KIF6: variants seen among roughly 807,000 people sequenced by gnomAD.
KIF6 encodes the protein kinesin-like protein KIF6.
A neutral mutation model predicts 112.7 loss-of-function variants in KIF6; 106 were observed. The ratio of observed to expected loss-of-function variants is 0.94; its 90% CI spans 0.80 to 1.11. The LOEUF is 1.11. KIF6 is among the 50% of genes least tolerant of loss of function. The pLI is 0.00. For missense variants in KIF6, 929 were observed against 964.0 expected (o/e 0.96, Z 0.48); for synonymous variants, 339 against 339.9 (o/e 1.00, Z 0.03).
intron 13 of KIF6, among the ~76,000 whole-genome samples, chr6:39,432,997 G>A (rs1771269926): frequency 6.6e-6 from 1 of 152,032 alleles, no homozygotes; most frequent in East Asian, 1.9e-4. Flanking sequence ...GGGGTGTGGG[G>A]TGGGAGTGAA....
rs761722059 is a variant in KIF6 at position 39,584,945 on chromosome 6, G to A, written c.1030C>T (p.Leu344Phe). 4 of 1,612,404 alleles carry A rather than the reference G, an allele frequency of 2.5e-6. No homozygotes were observed. The Admixed American group carries it at 5.0e-5, about 20-fold the overall frequency. ...TTAAGAACAGCTTCATTCTTTATGA[G>A]TGCCACTCGCTGTGCAAATCTGCAG... ...STCRFAQRVA[L>F]IKNEAVLNEE... Residue 344 changes from leucine to phenylalanine, a missense_variant, in exon 9 of 23, where the codon CTC (leucine) becomes TTC (phenylalanine). Around this residue, in one of 2 missense-constraint regions of KIF6, gnomAD observed 688 missense variants for 662.7 expected, o/e 1.04. Transcript: ENST00000287152.
At chr6:39,344,257 C>T (rs535063384) in intron 21 of KIF6, among the ~76,000 whole-genome samples, 4 of 152,300 alleles carry the variant, frequency 2.6e-5, no homozygotes, top group East Asian at 1.9e-4. Context: ...CCATGTAAGA[C>T]GTGCCTTTCA....
At chr6:39,542,747 C>T (rs1004183540) in intron 12 of KIF6, among the ~76,000 whole-genome samples, 5 of 152,200 alleles carry the variant, frequency 3.3e-5, no homozygotes, top group African/African-American at 7.2e-5. Context: ...CATCACACTC[C>T]GCAGTGCTCA....
intron 19 of KIF6, chr6:39,353,910 G>A: frequency 1.8e-6 from 1 of 569,488 alleles, no homozygotes; most frequent in Admixed American, 2.1e-5. Context: ...GGAGCTAAGT[G>A]TGATGCCCAG....
intron 13 of KIF6, among the ~76,000 whole-genome samples, chr6:39,478,406 A>G (rs1207485547): frequency 6.6e-6 from 1 of 152,044 alleles, no homozygotes; most frequent in African/African-American, 2.4e-5. Flanking sequence ...GTATTCCATC[A>G]TATATATATC....
rs1762732756 is a variant in KIF6 at position 39,331,451 on chromosome 6, C to G, written c.*5081G>C. Reference sequence around the variant, plus strand: ...CCAGGTTGGAGTGCAGTGGCACGATCTCAGCTCACTGCAAACTCTGCCTCC... The same window carrying G: ...CCAGGTTGGAGTGCAGTGGCACGATGTCAGCTCACTGCAAACTCTGCCTCC... On this transcript the variant is annotated 3_prime_UTR_variant, in exon 23 of 23. Coordinates refer to ENST00000287152, the MANE Select transcript of KIF6 (RefSeq NM_145027.6). The G allele has an allele frequency of 6.6e-6, 1 of 151,570 alleles. No homozygotes were observed. The highest frequency in any genetic ancestry group is 2.4e-5 in the African/African-American group (1 of 41,152). The allele number at this position is 151,570 out of a possible 1,614,324, so 9.4% of individuals were successfully genotyped here. A position where few individuals can be genotyped will look rare whatever the true frequency, so the allele number is the denominator to read the frequency against.
chr6:39,620,932 C>T (rs1405343320), intron 5 of KIF6, among the ~76,000 whole-genome samples: 1 of 151,950 alleles, frequency 6.6e-6, no homozygotes, highest in Non-Finnish European at 1.5e-5. Flanking sequence ...TTGCACCCAG[C>T]TAATTTTTAT....
At chr6:39,513,942 T>TA (rs1776923326) in intron 13 of KIF6, among the ~76,000 whole-genome samples, 1 of 152,208 alleles carries the variant, frequency 6.6e-6, no homozygotes, top group Non-Finnish European at 1.5e-5. Flanking sequence ...AGTTTTTACA[T>TA]AAAGTGGTGA....
chr6:39,660,270 T>C (rs1786056958), intron 3 of KIF6, among the ~76,000 whole-genome samples: 1 of 152,220 alleles, frequency 6.6e-6, no homozygotes, highest in African/African-American at 2.4e-5. Context: ...TCCACAGCAA[T>C]GTTCTAGGTA....
chr6:39,511,486 T>C (rs985646543), intron 13 of KIF6, among the ~76,000 whole-genome samples: 1 of 152,190 alleles, frequency 6.6e-6, no homozygotes, highest in Non-Finnish European at 1.5e-5. Context: ...ACTTTTACAT[T>C]GTTGGTGGGA....
At chr6:39,681,619 T>C (rs958724066) in intron 3 of KIF6, among the ~76,000 whole-genome samples, 43 of 152,262 alleles carry the variant, frequency 2.8e-4, no homozygotes, top group African/African-American at 9.1e-4. Context: ...ACATTCCATG[T>C]AAAATATCAG....
chr6:39,654,877 G>C (rs1204174877), intron 3 of KIF6, among the ~76,000 whole-genome samples: 1 of 152,190 alleles, frequency 6.6e-6, no homozygotes, highest in South Asian at 2.1e-4. Context: ...GTATTTCACA[G>C]TATAAATGTA....
rs554733096 is a variant in KIF6 at position 39,378,468 on chromosome 6, G to A, written c.1861+7154C>T. Among the ~76,000 whole-genome samples the A allele has an allele frequency of 2.0e-5, 3 of 151,570 alleles. No homozygotes were observed. Among genetic ancestry groups the A allele is most frequent in the African/African-American group, 7.3e-5 (3 of 41,298 alleles). ...ACCACATACACACACACCACATGCCGCATATACACAGCACACACGTACATA... is the reference window on the plus strand; with the variant it reads ...ACCACATACACACACACCACATGCCACATATACACAGCACACACGTACATA... On this transcript the variant is annotated intron_variant, in intron 16 of 22. Transcript: ENST00000287152. The surrounding 1 kb of genome is among the most constrained non-coding windows in gnomAD (Gnocchi z 5.0).
At chr6:39,377,309 A>G (rs973019596) in intron 16 of KIF6, among the ~76,000 whole-genome samples, 3 of 152,040 alleles carry the variant, frequency 2.0e-5, no homozygotes, top group African/African-American at 7.3e-5. Flanking sequence ...TTGGCCTCCC[A>G]AAGTGCTGAG....
intron 3 of KIF6, among the ~76,000 whole-genome samples, chr6:39,692,537 G>A (rs1160296989): frequency 6.6e-6 from 1 of 152,200 alleles, no homozygotes; most frequent in Non-Finnish European, 1.5e-5. Flanking sequence ...CATTGTGGAA[G>A]CTTTGCACTC....
intron 18 of KIF6, 48 bp from the exon 19 acceptor site, chr6:39,357,422 C>A: frequency 8.0e-6 from 8 of 996,652 alleles, no homozygotes; most frequent in African/African-American, 3.3e-5. Flanking sequence ...AATCTAATGA[C>A]ATAGGAAGAT....
chr6:39,576,484 C>T (rs1487781627), intron 10 of KIF6, among the ~76,000 whole-genome samples: 5 of 152,170 alleles, frequency 3.3e-5, no homozygotes, highest in Non-Finnish European at 4.4e-5. Context: ...TCACAAGAAA[C>T]TACATTCCTA....
intron 16 of KIF6, among the ~76,000 whole-genome samples, chr6:39,366,910 G>C (rs183025478): frequency 6.7e-6 from 1 of 148,866 alleles, no homozygotes; most frequent in African/African-American, 2.5e-5. Context: ...TTTTTTTGCT[G>C]ATCAAGACAA....
At chr6:39,346,040 A>G (rs1763692012) in intron 20 of KIF6, among the ~76,000 whole-genome samples, 1 of 94,444 alleles carries the variant, frequency 1.1e-5, no homozygotes. Context: ...GAGGATGAGA[A>G]ACTACAGTGC....
Sources: gnomAD v4.1 joint callset for allele counts (sites outside exome capture counted in the v4.1 genomes callset) on GRCh38, gnomAD v4.1.1 for gene constraint, gnomAD v4.1.1 regional missense constraint, Gnocchi (gnomAD v3.1) non-coding constraint, MANE v1.5 for transcripts, NCBI Gene and HGNC (gene_info 2026-07-23, HGNC 2026-07-21) for gene names.